Variants in PKIB observed in about 807,000 individuals in gnomAD.
PKIB encodes PKI-beta.
In PKIB, 2 loss-of-function variants were observed where a neutral mutation model predicts 4.5. The ratio of observed to expected loss-of-function variants is 0.44; its 90% CI spans 0.18 to 1.39. The LOEUF is 1.39. PKIB is among the 40% of genes most tolerant of loss of function. The pLI is 0.27. For missense variants in PKIB, 94 were observed against 92.6 expected, an observed-to-expected ratio of 1.02 and a Z score of -0.06; for synonymous variants, 38 against 36.0, an observed-to-expected ratio of 1.06 and a Z score of -0.20.
intron 3 of PKIB, among the ~76,000 whole-genome samples, chr6:122,695,215 G>A (rs1192422926): frequency 6.6e-6 from 1 of 152,048 alleles, no homozygotes; most frequent in East Asian, 1.9e-4. Flanking sequence ...TGAAAGGTAA[G>A]CTAGGAGGCA....
chr6:122,706,532 C>T (rs887042929), intron 3 of PKIB, among the ~76,000 whole-genome samples: 3 of 152,102 alleles, frequency 2.0e-5, no homozygotes, highest in Non-Finnish European at 4.4e-5. Context: ...TAAATGTTTG[C>T]TGAGGTGTAA....
chr6:122,725,305 A>G lies in PKIB; in HGVS notation c.*110A>G. On this transcript the variant is annotated 3_prime_UTR_variant, in exon 5 of 5. Transcript: ENST00000368452. ...GTAACTGTGGTAACATTGCAGCCCT[A>G]AGCAGCATGTGTATATTAGATAATT... The G allele has an allele frequency of 1.2e-6, 1 of 817,102 alleles. No individual in the cohort carries two copies. Among genetic ancestry groups the G allele is most frequent in the East Asian group, 2.6e-5 (1 of 38,094 alleles). The allele number at this position is 817,102 out of a possible 1,614,324, so 50.6% of individuals were successfully genotyped here.
chr6:122,702,195 C>A (rs569958708), intron 3 of PKIB, among the ~76,000 whole-genome samples: 1 of 151,452 alleles, frequency 6.6e-6, no homozygotes, highest in African/African-American at 2.4e-5. Flanking sequence ...CTATGTAATC[C>A]GAACAAAAGT....
chr6:122,691,993 A>T (rs1180548546), intron 3 of PKIB, among the ~76,000 whole-genome samples: 1 of 152,190 alleles, frequency 6.6e-6, no homozygotes, highest in East Asian at 1.9e-4. Flanking sequence ...AATACTCTGT[A>T]TTACCAGGCA....
chr6:122,703,985 T>C (rs889331447), intron 3 of PKIB, among the ~76,000 whole-genome samples: 4 of 148,744 alleles, frequency 2.7e-5, no homozygotes, highest in African/African-American at 4.9e-5. Context: ...AATTGGTTCA[T>C]GCAATTATGA....
chr6:122,494,370 T>C (rs756162821), intron 2 of PKIB, among the ~76,000 whole-genome samples: 32 of 152,220 alleles, frequency 2.1e-4, no homozygotes, highest in Non-Finnish European at 4.4e-4. Context: ...TGGTACAATA[T>C]GGAACTTCTT....
In PKIB at chr6:122,596,254, T is replaced by C. The variant is rs117982068; in HGVS notation, c.-161+10247T>C. 1.1e-3 allele frequency among the ~76,000 whole-genome samples: 171 copies of C among 152,294 alleles called. 4 individuals carry two copies. In the South Asian group the frequency reaches 0.017, roughly 15 times the overall value. ...ACTTACGGGTGGTGCCAGCCTGTCATGCAGAACCATCTGTGAACCAGGCCC... is the reference window on the plus strand; with the variant it reads ...ACTTACGGGTGGTGCCAGCCTGTCACGCAGAACCATCTGTGAACCAGGCCC... On this transcript the variant is annotated intron_variant, in intron 3 of 6. Transcript: ENST00000392491.
At chr6:122,598,193 G>C (rs1774237408) in intron 3 of PKIB, among the ~76,000 whole-genome samples, 3 of 152,188 alleles carry the variant, frequency 2.0e-5, no homozygotes, top group African/African-American at 7.2e-5. Context: ...TGATTGAAAG[G>C]CTGTGATTCT....
At chr6:122,631,555 G>A (rs1448263228) in intron 1 of PKIB, among the ~76,000 whole-genome samples, 1 of 152,136 alleles carries the variant, frequency 6.6e-6, no homozygotes, top group African/African-American at 2.4e-5. Context: ...GATCTTCAGG[G>A]AGCGTAATAA....
At position 122,473,110 on chromosome 6, in the gene PKIB, CA is replaced by C. The variant is rs879482914; in HGVS notation, c.-337+1078del. On this transcript the variant is annotated intron_variant, in intron 1 of 6. Coordinates refer to the PKIB transcript ENST00000392491. ...TGGGCTGCAGAGCGAGACTCCGTCT[CA>C]AAAAAAAAGAATAGTGGAAATGGAA... Among the ~76,000 whole-genome samples, 957 of 149,486 alleles carry C rather than the reference CA, an allele frequency of 6.4e-3. 11 individuals carry two copies. Among genetic ancestry groups the C allele is most frequent in the Middle Eastern group, 0.014 (4 of 288 alleles).
chr6:122,490,417 C>T (rs998311971), intron 2 of PKIB, among the ~76,000 whole-genome samples: 1 of 152,074 alleles, frequency 6.6e-6, no homozygotes, highest in African/African-American at 2.4e-5. Flanking sequence ...GGATGTTTAC[C>T]TCTTCCAAAT....
At chr6:122,618,200 G>A (rs1351285044) in intron 1 of PKIB, among the ~76,000 whole-genome samples, 1 of 152,006 alleles carries the variant, frequency 6.6e-6, no homozygotes, top group Non-Finnish European at 1.5e-5. Context: ...ATACCCAAAC[G>A]ATTAAAATTC....
Position 122,511,922 on chromosome 6 carries a change from T to G in PKIB, c.-248+33983T>G, listed in dbSNP as rs113776648. Among the ~76,000 whole-genome samples the G allele has an allele frequency of 5.0e-3, 764 of 152,320 alleles. 7 individuals carry two copies. Among genetic ancestry groups the G allele is most frequent in the African/African-American group, 0.017 (711 of 41,568 alleles). On this transcript the variant is annotated intron_variant, in intron 2 of 6. Transcript: ENST00000392491. ...TAATGTTTTAAAGGAGTGTCTTTTT[T>G]TCTTGAACACTGTGTTTACAGATAA... is the stretch of plus-strand genomic sequence containing the variant.
chr6:122,673,981 T>G (rs1777567462), intron 2 of PKIB, among the ~76,000 whole-genome samples: 1 of 151,976 alleles, frequency 6.6e-6, no homozygotes, highest in Non-Finnish European at 1.5e-5. Flanking sequence ...GAAGAAGATA[T>G]ACTAGCAAGG....
At chr6:122,489,611 G>A (rs527799965) in intron 2 of PKIB, among the ~76,000 whole-genome samples, 6 of 152,276 alleles carry the variant, frequency 3.9e-5, no homozygotes, top group African/African-American at 1.4e-4. Flanking sequence ...AGGCTTTCCT[G>A]GACTGGCCAT....
intron 1 of PKIB, among the ~76,000 whole-genome samples, chr6:122,632,989 T>C (rs919375887): frequency 2.6e-5 from 4 of 152,188 alleles, no homozygotes; most frequent in Non-Finnish European, 5.9e-5. Flanking sequence ...CAGAATACAA[T>C]TGATGTGTTT....
intron 2 of PKIB, among the ~76,000 whole-genome samples, chr6:122,484,929 A>G (rs1225437762): frequency 6.6e-6 from 1 of 152,226 alleles, no homozygotes; most frequent in Non-Finnish European, 1.5e-5. Flanking sequence ...GGCCAATCCT[A>G]GCAGCAGAAG....
chr6:122,512,085 T>A (rs775705071), intron 2 of PKIB, among the ~76,000 whole-genome samples: 3 of 152,194 alleles, frequency 2.0e-5, no homozygotes, highest in Non-Finnish European at 2.9e-5. Flanking sequence ...ACAGTCCTTT[T>A]TCCCAACAAT....
At chr6:122,693,861 G>A (rs1778448573) in intron 3 of PKIB, among the ~76,000 whole-genome samples, 1 of 152,174 alleles carries the variant, frequency 6.6e-6, no homozygotes, top group Non-Finnish European at 1.5e-5. Flanking sequence ...TTGATTATCA[G>A]AGTGAAAAGT....
Sources: gnomAD v4.1 joint callset for allele counts (sites outside exome capture counted in the v4.1 genomes callset) on GRCh38, gnomAD v4.1.1 for gene constraint, MANE v1.5 for transcripts, NCBI Gene and HGNC (gene_info 2026-07-23, HGNC 2026-07-21) for gene names.